RBPMS2: variants seen among roughly 807,000 people sequenced by gnomAD.
RBPMS2 encodes RNA-binding protein with multiple splicing 2.
RBPMS2 carries 14 observed loss-of-function variants against 25.7 expected under a neutral mutation model. The observed-to-expected ratio is 0.55, with a 90% CI of 0.36 to 0.85. The LOEUF (loss-of-function observed/expected upper bound fraction) is 0.85, where lower values mean the gene tolerates loss of function less well. RBPMS2 is among the 40% of genes least tolerant of loss of function. The pLI, the probability that RBPMS2 is intolerant of heterozygous loss-of-function variation, is 0.01. For missense variants in RBPMS2, 252 were observed against 283.4 expected, an observed-to-expected ratio of 0.89 and a Z score of 0.80; for synonymous variants, 127 against 115.6, an observed-to-expected ratio of 1.10 and a Z score of -0.63.
At chr15:64,758,501 T>C (rs1308107110) in intron 1 of RBPMS2, among the ~76,000 whole-genome samples, 1 of 152,166 alleles carries the variant, frequency 6.6e-6, no homozygotes, top group African/African-American at 2.4e-5. Flanking sequence ...CAAGCACCAA[T>C]ATAGGCAAGG....
At chr15:64,743,088 T>C (rs2083578397) in intron 6 of RBPMS2, among the ~76,000 whole-genome samples, 1 of 152,174 alleles carries the variant, frequency 6.6e-6, no homozygotes. Context: ...GGGAGCCCCT[T>C]AGTGGGCCCT....
intron 1 of RBPMS2, among the ~76,000 whole-genome samples, chr15:64,752,001 G>A (rs2083686990): frequency 7.1e-6 from 1 of 141,250 alleles, no homozygotes; most frequent in Non-Finnish European, 1.5e-5. Context: ...GTCTTACTCT[G>A]TTGCCCAGGC....
intron 1 of RBPMS2, among the ~76,000 whole-genome samples, chr15:64,767,021 T>A (rs1976112): frequency 0.75 from 113,373 of 151,980 alleles, 45,816 homozygotes; most frequent in East Asian, 0.96. Context: ...TGGGCTCAAG[T>A]GATCCACCCA....
At chr15:64,766,386 G>T (rs2083846185) in intron 1 of RBPMS2, among the ~76,000 whole-genome samples, 1 of 152,188 alleles carries the variant, frequency 6.6e-6, no homozygotes, top group Non-Finnish European at 1.5e-5. Context: ...GCACGTATCA[G>T]AAGTAACCGT....
At chr15:64,750,422 G>T in intron 2 of RBPMS2, 41 bp from the exon 3 acceptor site, 1 of 1,583,452 alleles carries the variant, frequency 6.3e-7, no homozygotes, top group Non-Finnish European at 8.7e-7. Flanking sequence ...GGTCAGAAGC[G>T]TATGTTGTGC....
intron 2 of RBPMS2, 63 bp downstream of exon 2, chr15:64,751,489 ACCCGAGATT>A (rs1390373442): frequency 3.0e-6 from 4 of 1,347,004 alleles, no homozygotes; most frequent in Non-Finnish European, 3.2e-6. Context: ...GCCCTGCCCG[ACCCGAGATT>A]CACTCCCGCT....
intron 1 of RBPMS2, among the ~76,000 whole-genome samples, chr15:64,774,199 G>A (rs2083911534): frequency 1.3e-5 from 2 of 152,206 alleles, no homozygotes; most frequent in Non-Finnish European, 2.9e-5. Flanking sequence ...CAGGCCAAGG[G>A]GAAGGGCGCC....
chr15:64,750,397 G>T lies in RBPMS2; in HGVS notation c.166-16C>A. 2 of 1,612,638 alleles carry T rather than the reference G, an allele frequency of 1.2e-6. No individual in the cohort carries two copies. Among genetic ancestry groups the T allele is most frequent in the Non-Finnish European group, 1.7e-6 (2 of 1,178,664 alleles). On this transcript the variant is annotated splice_polypyrimidine_tract_variant and intron_variant, in intron 2 of 7. Coordinates refer to ENST00000300069, the MANE Select transcript of RBPMS2 (RefSeq NM_194272.3). Reference sequence around the variant, plus strand: ...CTTCATACCCCTGCGGAGAGAGGTGGCTGTTACCGTGGAAGGTCAGAAGCG... The same window carrying T: ...CTTCATACCCCTGCGGAGAGAGGTGTCTGTTACCGTGGAAGGTCAGAAGCG...
At chr15:64,751,880 A>C (rs2141061919) in intron 1 of RBPMS2, among the ~76,000 whole-genome samples, 1 of 152,096 alleles carries the variant, frequency 6.6e-6, no homozygotes, top group South Asian at 2.1e-4. Flanking sequence ...ATGCCTCTGC[A>C]CACAGACTGA....
intron 1 of RBPMS2, among the ~76,000 whole-genome samples, chr15:64,752,331 G>A (rs2083690393): frequency 2.0e-5 from 3 of 152,070 alleles, no homozygotes; most frequent in Admixed American, 2.0e-4. Flanking sequence ...GTCGAGGGGA[G>A]GAGCAAAGAT....
intron 6 of RBPMS2, among the ~76,000 whole-genome samples, chr15:64,743,779 C>CGG (rs2083586990): frequency 1.3e-5 from 2 of 152,144 alleles, no homozygotes; most frequent in Non-Finnish European, 2.9e-5. Context: ...GAAGATACAC[C>CGG]AGAAAGCAAG....
At chr15:64,752,536 A>G (rs2083692399) in intron 1 of RBPMS2, among the ~76,000 whole-genome samples, 1 of 152,142 alleles carries the variant, frequency 6.6e-6, no homozygotes, top group Admixed American at 6.5e-5. Context: ...GGTAATGGGT[A>G]AACAGTCAAA....
In RBPMS2 at chr15:64,748,993, C is replaced by T. The variant is rs781057317; in HGVS notation, c.418+7G>A. The T allele has an allele frequency of 6.2e-7, 1 of 1,613,960 alleles. No homozygotes were observed. Among genetic ancestry groups the T allele is most frequent in the Non-Finnish European group, 8.5e-7 (1 of 1,179,886 alleles). The stretch of plus-strand genomic sequence containing the variant: ...ATGAGGGCCTGCCAGCTCAGAGTGC[C>T]ACTCACAGGGGTCCCGTGCGATGAA... On this transcript the variant is annotated splice_region_variant and intron_variant, in intron 5 of 7. Transcript: ENST00000300069.
intron 1 of RBPMS2, among the ~76,000 whole-genome samples, chr15:64,757,812 C>CA (rs954008312): frequency 6.6e-5 from 10 of 151,340 alleles, no homozygotes; most frequent in African/African-American, 9.7e-5. Context: ...AGGCCCTATC[C>CA]CCCCCCACAA....
At chr15:64,773,311 G>A (rs1228183938) in intron 1 of RBPMS2, among the ~76,000 whole-genome samples, 5 of 152,226 alleles carry the variant, frequency 3.3e-5, no homozygotes, top group Admixed American at 6.5e-5. Context: ...CAGAAGACTA[G>A]GCCAGGGCTT....
chr15:64,755,311 A>G (rs1245736821), intron 1 of RBPMS2, among the ~76,000 whole-genome samples: 1 of 152,088 alleles, frequency 6.6e-6, no homozygotes, highest in Non-Finnish European at 1.5e-5. Context: ...CAGGTGGTCA[A>G]GGCAGTCACG....
At chr15:64,759,257 G>T (rs929973386) in intron 1 of RBPMS2, among the ~76,000 whole-genome samples, 2 of 152,210 alleles carry the variant, frequency 1.3e-5, no homozygotes, top group African/African-American at 4.8e-5. Flanking sequence ...GAGGCCCCTG[G>T]AATGGGGAAT....
At chr15:64,751,335 GA>G (rs68167030) in intron 2 of RBPMS2, among the ~76,000 whole-genome samples, 75 of 145,020 alleles carry the variant, frequency 5.2e-4, no homozygotes, top group African/African-American at 1.9e-3. Context: ...TCGTCTCGAG[GA>G]AAAAAAAAAA....
At chr15:64,756,970 A>ATTTTTT (rs567804797) in intron 1 of RBPMS2, among the ~76,000 whole-genome samples, 1 of 98,952 alleles carries the variant, frequency 1.0e-5, no homozygotes, top group African/African-American at 3.9e-5. Flanking sequence ...GCCCGGCCTC[A>ATTTTTT]TTTTTTTTTT....
Sources: allele counts gnomAD v4.1 joint callset (sites outside exome capture counted in the v4.1 genomes callset), GRCh38; gene constraint gnomAD v4.1.1; transcripts MANE v1.5; gene names NCBI Gene and HGNC (gene_info 2026-07-23, HGNC 2026-07-21).